SENP7: variants seen among roughly 807,000 people sequenced by gnomAD.
SENP7 encodes the protein sentrin-specific protease 7.
SENP7 carries 64 observed loss-of-function variants against 141.2 expected under a neutral mutation model. The observed-to-expected ratio is 0.45, with a 90% CI of 0.37 to 0.56. The LOEUF is 0.56. SENP7 is among the 20% of genes least tolerant of loss of function. The pLI, the probability that SENP7 is intolerant of heterozygous loss-of-function variation, is 0.00. For synonymous variants in SENP7, 382 were observed against 426.4 expected, an observed-to-expected ratio of 0.90 and a Z score of 1.28; for missense variants, 1,025 against 1,212.2, an observed-to-expected ratio of 0.85 and a Z score of 2.29.
At chr3:101,386,865 T>C (rs995121561) in intron 6 of SENP7, among the ~76,000 whole-genome samples, 1 of 152,152 alleles carries the variant, frequency 6.6e-6, no homozygotes, top group Non-Finnish European at 1.5e-5. Context: ...CCAGCTGACA[T>C]CCCAGGCCCC....
intron 3 of SENP7, among the ~76,000 whole-genome samples, chr3:101,468,631 TA>T (rs1274085509): frequency 6.6e-6 from 1 of 152,172 alleles, no homozygotes; most frequent in East Asian, 1.9e-4. Context: ...GAAGGAGACA[TA>T]AAATCCTTTA....
At chr3:101,341,370 C>A (rs1456711170) in intron 15 of SENP7, among the ~76,000 whole-genome samples, 2 of 152,218 alleles carry the variant, frequency 1.3e-5, no homozygotes, top group Non-Finnish European at 2.9e-5. Flanking sequence ...TCATACATTG[C>A]TACTCAAATG....
intron 12 of SENP7, 113 bp from the exon 13 acceptor site, chr3:101,348,164 T>C: frequency 3.0e-6 from 2 of 672,638 alleles, no homozygotes; most frequent in Non-Finnish European, 4.4e-6. Flanking sequence ...AAGAGAATTA[T>C]ATAGTTTTTT....
chr3:101,375,458 C>T (rs1224764932), intron 6 of SENP7, among the ~76,000 whole-genome samples: 1 of 145,606 alleles, frequency 6.9e-6, no homozygotes, highest in Non-Finnish European at 1.5e-5. Context: ...ATGAGAATCG[C>T]TTGAACCCGG....
At chr3:101,412,540 G>A (rs1396258350) in intron 5 of SENP7, among the ~76,000 whole-genome samples, 1 of 151,962 alleles carries the variant, frequency 6.6e-6, no homozygotes, top group Non-Finnish European at 1.5e-5. Context: ...TCTGGAATAC[G>A]TAATTCTTTT....
At chr3:101,472,324 A>T (rs2064033406) in intron 3 of SENP7, among the ~76,000 whole-genome samples, 1 of 80,434 alleles carries the variant, frequency 1.2e-5, no homozygotes, top group South Asian at 3.5e-4. Context: ...ATGCAGCCTT[A>T]AAAAAAATGA....
At chr3:101,451,569 T>C (rs2063137516) in intron 4 of SENP7, among the ~76,000 whole-genome samples, 1 of 151,958 alleles carries the variant, frequency 6.6e-6, no homozygotes, top group Admixed American at 6.6e-5. Context: ...CATACGAAAA[T>C]CAATAAACGT....
chr3:101,328,823 G>A (rs781306689), intron 20 of SENP7, 134 bp from the exon 21 acceptor site: 31 of 675,590 alleles, frequency 4.6e-5, no homozygotes, highest in Non-Finnish European at 6.9e-5. Context: ...TCAAAAGTGA[G>A]CTAACTTCAT....
intron 3 of SENP7, among the ~76,000 whole-genome samples, chr3:101,486,112 T>C (rs1173098642): frequency 3.3e-5 from 5 of 152,186 alleles, no homozygotes; most frequent in Admixed American, 2.6e-4. Flanking sequence ...TCTGAGATTA[T>C]GTTAAACGAC....
At chr3:101,453,825 C>A (rs2063248995) in intron 4 of SENP7, among the ~76,000 whole-genome samples, 1 of 151,794 alleles carries the variant, frequency 6.6e-6, no homozygotes, top group African/African-American at 2.4e-5. Flanking sequence ...ATGTAACTAA[C>A]CTGCACGTTG....
At position 101,468,052 on chromosome 3, in the gene SENP7, G is replaced by C. The variant is rs554411647; in HGVS notation, c.187-9000C>G. Reference sequence around the variant, plus strand: ...GTGAAAACCATGGCACGAGAGCTTCGTGACACATGCACAAGCTTCGATAGA... The same window carrying C: ...GTGAAAACCATGGCACGAGAGCTTCCTGACACATGCACAAGCTTCGATAGA... On this transcript the variant is annotated intron_variant, in intron 3 of 23. Coordinates refer to ENST00000394095, the MANE Select transcript of SENP7 (RefSeq NM_020654.5). Among the ~76,000 whole-genome samples the C allele has an allele frequency of 2.6e-4, 39 of 152,224 alleles. No individual in the cohort carries two copies. In the South Asian group the frequency reaches 6.0e-3, roughly 23 times the overall value.
At chr3:101,497,666 CAAAT>C (rs1031863280) in intron 2 of SENP7, among the ~76,000 whole-genome samples, 2 of 152,088 alleles carry the variant, frequency 1.3e-5, no homozygotes, top group African/African-American at 4.8e-5. Context: ...CATATTGATA[CAAAT>C]AAATAAGTGA....
chr3:101,367,925 G>C lies in SENP7; in HGVS notation c.883C>G (p.Leu295Val), dbSNP rs2060079892. 6.2e-7 allele frequency: 1 copy of C among 1,608,718 alleles called. No homozygotes were observed. Among genetic ancestry groups the C allele is most frequent in the Non-Finnish European group, 8.5e-7 (1 of 1,175,544 alleles). Residue 295 changes from leucine to valine, a missense_variant, in exon 8 of 24, where the codon CTC (leucine) becomes GTC (valine). Leu to Val is a conservative substitution (Grantham distance 32). Transcript: ENST00000394095. ...DVKYSDSKVE[L>V]TLISRKTKRR... Reference sequence around the variant, plus strand: ...TTTGTCTTCCTGGAAATCAGAGTGAGTTCCACTTTTGAATCAGAATATTTA... The same window carrying C: ...TTTGTCTTCCTGGAAATCAGAGTGACTTCCACTTTTGAATCAGAATATTTA...
intron 4 of SENP7, among the ~76,000 whole-genome samples, chr3:101,454,545 T>C (rs1049263468): frequency 2.6e-5 from 4 of 151,996 alleles, no homozygotes; most frequent in African/African-American, 4.8e-5. Flanking sequence ...AGAAAACATA[T>C]GTCTACACAA....
At chr3:101,377,330 A>G (rs2060365060) in intron 6 of SENP7, among the ~76,000 whole-genome samples, 1 of 152,118 alleles carries the variant, frequency 6.6e-6, no homozygotes, top group Admixed American at 6.5e-5. Flanking sequence ...AGCCAGGTGA[A>G]TACAGAGAAT....
At chr3:101,462,854 C>T (rs1257713198) in intron 3 of SENP7, among the ~76,000 whole-genome samples, 5 of 149,108 alleles carry the variant, frequency 3.4e-5, no homozygotes, top group African/African-American at 9.8e-5. Flanking sequence ...GGCAAAAGAG[C>T]GAGACTCTGT....
intron 3 of SENP7, among the ~76,000 whole-genome samples, chr3:101,471,023 T>C (rs1163934395): frequency 4.6e-5 from 7 of 151,332 alleles, no homozygotes; most frequent in South Asian, 2.1e-4. Flanking sequence ...AATGGAAGAA[T>C]ATTCCATGCT....
At chr3:101,346,687 A>G (rs1190078267) in intron 13 of SENP7, among the ~76,000 whole-genome samples, 5 of 152,134 alleles carry the variant, frequency 3.3e-5, no homozygotes, top group African/African-American at 7.2e-5. Context: ...GTTCTCAGTT[A>G]TAAGTGGGAG....
chr3:101,410,093 AAAAC>A (rs1253787244), intron 5 of SENP7, among the ~76,000 whole-genome samples: 5 of 152,204 alleles, frequency 3.3e-5, no homozygotes, highest in African/African-American at 7.2e-5. Context: ...CAACAAGAAA[AAAAC>A]AAACAATCTC....
Sources: allele counts gnomAD v4.1 joint callset (sites outside exome capture counted in the v4.1 genomes callset), GRCh38; gene constraint gnomAD v4.1.1; transcripts MANE v1.5; gene names NCBI Gene and HGNC (gene_info 2026-07-23, HGNC 2026-07-21).